The following LRP1 variants were observed in gnomAD, a reference collection of about 807,000 sequenced individuals.
The protein encoded by LRP1 is LDL receptor related protein 1, also known as prolow-density lipoprotein receptor-related protein 1.
A neutral mutation model predicts 541.5 loss-of-function variants in LRP1; 51 were observed. That is an observed-to-expected ratio of 0.09 (90% CI 0.08 to 0.12). LRP1 has a LOEUF of 0.12. LRP1 is among the 10% of genes least tolerant of loss of function. The pLI is 1.00. For missense variants in LRP1, 3,878 were observed against 6,376.2 expected (o/e 0.61, Z 13.34); for synonymous variants, 2,219 against 2,470.8 (o/e 0.90, Z 3.02).
chr12:57,154,092 G>A lies in LRP1; in HGVS notation c.842-116G>A. On this transcript the variant is annotated intron_variant, in intron 6 of 88. Coordinates refer to ENST00000243077, the MANE Select transcript of LRP1 (RefSeq NM_002332.3). The surrounding 1 kb of genome is among the most constrained non-coding windows in gnomAD (Gnocchi z 4.6). The stretch of plus-strand genomic sequence containing the variant: ...TCTGAGCTAAGCATGGGGGTGTTGG[G>A]TGGGAGGGCGTCCAGAGAAGGTGGG... 1 of 919,364 alleles carries A rather than the reference G, an allele frequency of 1.1e-6. No individual in the cohort carries two copies. The highest frequency in any genetic ancestry group is 1.7e-6 in the Non-Finnish European group (1 of 577,396). The allele number at this position is 919,364 out of a possible 1,614,324, so 57.0% of individuals were successfully genotyped here. A position where few individuals can be genotyped will look rare whatever the true frequency, so the allele number is the denominator to read the frequency against.
rs755509605 is a variant in LRP1 at position 57,141,484 on chromosome 12, G to A, written c.301G>A (p.Gly101Ser). 7 of 1,614,080 alleles carry A rather than the reference G, an allele frequency of 4.3e-6. No homozygotes were observed. In the African/African-American group the frequency reaches 5.3e-5, roughly 12 times the overall value. ...LCNGVQDCMD[G>S]SDEGPHCREL... Reference sequence around the variant, plus strand: ...CAATGGGGTCCAGGACTGCATGGACGGCTCAGATGAGGGGCCCCACTGCCG... The same window carrying A: ...CAATGGGGTCCAGGACTGCATGGACAGCTCAGATGAGGGGCCCCACTGCCG... The change falls in exon 3 of 89, where the codon GGC becomes AGC. Residue 101 changes from glycine (G) to serine (S), a missense_variant. Physicochemically the swap from Gly to Ser is moderately conservative, Grantham distance 56 (BLOSUM62 0). Coordinates refer to ENST00000243077, the MANE Select transcript of LRP1 (RefSeq NM_002332.3).
In LRP1 at chr12:57,212,282, G is replaced by C; in HGVS notation, c.13494+21G>C. The C allele has an allele frequency of 6.2e-7, 1 of 1,612,456 alleles. No homozygotes were observed. The highest frequency in any genetic ancestry group is 1.7e-4 in the Middle Eastern group (1 of 6,056). On this transcript the variant is annotated intron_variant, in intron 88 of 88. Coordinates refer to ENST00000243077, the MANE Select transcript of LRP1 (RefSeq NM_002332.3). This position sits in a 1 kb window ranked among gnomAD's most constrained non-coding sequence, Gnocchi z 5.0. ...ACAAGGTGGGCTGGGAGGCGGGCAG[G>C]GTCGAGTGCCAAGAGGCCGTGGGTG...
chr12:57,200,597 G>A (rs2036628667), intron 63 of LRP1, 62 bp downstream of exon 63: 5 of 1,556,632 alleles, frequency 3.2e-6, no homozygotes, highest in Non-Finnish European at 4.4e-6. Context: ...GACTCCTGAG[G>A]CTTTGAATGG....
At chr12:57,153,526 T>A (rs1041731475) in intron 6 of LRP1, among the ~76,000 whole-genome samples, 1 of 152,140 alleles carries the variant, frequency 6.6e-6, no homozygotes, top group Non-Finnish European at 1.5e-5. Context: ...TCCAGCCCTA[T>A]GACTTATTCC....
Position 57,162,958 on chromosome 12 carries a change from G to T in LRP1, c.2505G>T (p.Leu835Phe). 6.2e-7 allele frequency: 1 copy of T among 1,605,444 alleles called. No individual in the cohort carries two copies. Among genetic ancestry groups the T allele is most frequent in the Non-Finnish European group, 8.5e-7 (1 of 1,178,092 alleles). ...RQCACAEDQV[L>F]DADGVTCLAN... ...GCGCCTGTGCTGAGGACCAGGTGTTGGACGCAGACGGCGTCACTTGCTTGG... is the reference window on the plus strand; with the variant it reads ...GCGCCTGTGCTGAGGACCAGGTGTTTGACGCAGACGGCGTCACTTGCTTGG... Residue 835 changes from leucine to phenylalanine, a missense_variant, in exon 15 of 89, where the codon TTG (leucine) becomes TTT (phenylalanine). Leu to Phe is a conservative substitution (Grantham distance 22, BLOSUM62 0). This residue lies in a region of LRP1 where 496 missense variants were observed against 861.0 expected (regional missense o/e 0.58). Coordinates refer to ENST00000243077, the MANE Select transcript of LRP1 (RefSeq NM_002332.3). This position sits in a 1 kb window ranked among gnomAD's most constrained non-coding sequence, Gnocchi z 5.2.
chr12:57,152,452 G>C (rs2035543818), intron 6 of LRP1, among the ~76,000 whole-genome samples: 1 of 152,168 alleles, frequency 6.6e-6, no homozygotes, highest in Non-Finnish European at 1.5e-5. Flanking sequence ...GCTGCCAGGG[G>C]ATGCAGGCAG....
chr12:57,152,535 G>A (rs2035545643), intron 6 of LRP1, among the ~76,000 whole-genome samples: 1 of 152,130 alleles, frequency 6.6e-6, no homozygotes, highest in African/African-American at 2.4e-5. Flanking sequence ...TTTCTCTGTG[G>A]TTACAGCGTG....
In LRP1 at chr12:57,189,778, T is replaced by C. The variant is rs1222627115; in HGVS notation, c.7032-1027T>C. Among the ~76,000 whole-genome samples, 1 of 152,058 alleles carries C rather than the reference T, an allele frequency of 6.6e-6. No individual in the cohort carries two copies. The highest frequency in any genetic ancestry group is 1.5e-5 in the Non-Finnish European group (1 of 68,000). On this transcript the variant is annotated intron_variant, in intron 42 of 88. Coordinates refer to ENST00000243077, the MANE Select transcript of LRP1 (RefSeq NM_002332.3). The surrounding 1 kb of genome is among the most constrained non-coding windows in gnomAD (Gnocchi z 4.4). ...AGAACGGAGCTGGCTTTTGTGTGGC[T>C]TGGTGGTCTCAGACTCCACTGTGCC...
chr12:57,199,724 G>A (rs565194638), intron 61 of LRP1, among the ~76,000 whole-genome samples, 153 bp from the exon 62 acceptor site: 46 of 152,330 alleles, frequency 3.0e-4, no homozygotes, highest in African/African-American at 1.1e-3. Flanking sequence ...GCCTGATCCT[G>A]GGACCTTAGA....
chr12:57,200,031 G>C lies in LRP1; in HGVS notation c.10014+6G>C. ...CCAACTGCACGGCTAGCCAGGTGAG[G>C]CTGTCCCCCAGACCCCATCACCAGT... On this transcript the variant is annotated splice_donor_region_variant and intron_variant, in intron 62 of 88. Coordinates refer to ENST00000243077, the MANE Select transcript of LRP1 (RefSeq NM_002332.3). 1.3e-6 allele frequency: 2 copies of C among 1,590,492 alleles called. No individual in the cohort carries two copies. Among genetic ancestry groups the C allele is most frequent in the East Asian group, 4.5e-5 (2 of 44,142 alleles).
rs1303668724 is a variant in LRP1, at chr12:57,166,932, C to T, written c.2800C>T (p.Arg934Cys). Residue 934 changes from arginine to cysteine, a missense_variant and splice_region_variant, in exon 18 of 89, where the codon CGC becomes TGC. By Grantham distance (180) the Arg-to-Cys change is radical. This residue lies in a region of LRP1 where 29 missense variants were observed against 20.7 expected (regional missense o/e 1.40). Coordinates refer to ENST00000243077, the MANE Select transcript of LRP1 (RefSeq NM_002332.3). ...EDESNATCSA[R>C]TCPPNQFSCA... The stretch of plus-strand genomic sequence containing the variant: ...TCACACCCATCCCTGCCCCCCAGCC[C>T]GCACCTGCCCCCCCAACCAGTTCTC... 8 of 1,602,856 alleles carry T rather than the reference C, an allele frequency of 5.0e-6. No individual in the cohort carries two copies. Among genetic ancestry groups the T allele is most frequent in the African/African-American group, 1.3e-5 (1 of 74,704 alleles).
rs1486864167 is a variant in LRP1, at chr12:57,173,091, G to A, written c.3164-77G>A. 3.2e-6 allele frequency: 4 copies of A among 1,268,034 alleles called. No individual in the cohort carries two copies. The highest frequency in any genetic ancestry group is 4.4e-6 in the Non-Finnish European group (4 of 916,738). 78.5% of individuals were successfully genotyped at this position (1,268,034 alleles called of 1,614,324 possible). On this transcript the variant is annotated intron_variant, in intron 20 of 88. Transcript: ENST00000243077. The surrounding 1 kb of genome is among the most constrained non-coding windows in gnomAD (Gnocchi z 4.7). ...CATATCCCCAGGCTGGGCTTACCGG[G>A]GTGGCAGGGCACAGGGATGAGGAGG...
Position 57,178,615 on chromosome 12 carries a change from G to A in LRP1, c.4606+12G>A, listed in dbSNP as rs376502118. ...CCGCCAGCCCATGGGTAAGGGGCTC[G>A]GGGCCTCGAGCAGCCGGAAGGGAGC... On this transcript the variant is annotated intron_variant, in intron 27 of 88. Transcript: ENST00000243077. This position sits in a 1 kb window ranked among gnomAD's most constrained non-coding sequence, Gnocchi z 5.8. The A allele has an allele frequency of 1.4e-4, 226 of 1,613,864 alleles. No homozygotes were observed. The highest frequency in any genetic ancestry group is 3.7e-4 in the South Asian group (34 of 91,084).
rs544375202 is a variant in LRP1 at position 57,161,982 on chromosome 12, T to C, written c.2203-335T>C. ...CCGTCTGCTCATTAGTGTGTGTGTGTGCGCGCACGCATATGAGTGTGTGTG... is the reference window on the plus strand; with the variant it reads ...CCGTCTGCTCATTAGTGTGTGTGTGCGCGCGCACGCATATGAGTGTGTGTG... On this transcript the variant is annotated intron_variant, in intron 13 of 88. Transcript: ENST00000243077. Among the ~76,000 whole-genome samples the C allele has an allele frequency of 6.6e-5, 10 of 150,800 alleles. 1 individual carries two copies. The highest frequency in any genetic ancestry group is 2.1e-4 in the South Asian group (1 of 4,808).
chr12:57,197,992 A>G lies in LRP1; in HGVS notation c.9283-164A>G, dbSNP rs1221577789. 6.6e-6 allele frequency among the ~76,000 whole-genome samples: 1 copy of G among 152,122 alleles called. No individual in the cohort carries two copies. The highest frequency in any genetic ancestry group is 1.5e-5 in the Non-Finnish European group (1 of 68,016). On this transcript the variant is annotated intron_variant, in intron 58 of 88. Coordinates refer to ENST00000243077, the MANE Select transcript of LRP1 (RefSeq NM_002332.3). This position sits in a 1 kb window ranked among gnomAD's most constrained non-coding sequence, Gnocchi z 4.5. Reference sequence around the variant, plus strand: ...CTAGAGCCTCTGCTGACACCTACACAGTGTCAGGCCCAGGACTGGGCATTT... The same window carrying G: ...CTAGAGCCTCTGCTGACACCTACACGGTGTCAGGCCCAGGACTGGGCATTT...
At chr12:57,194,226 C>A in intron 48 of LRP1, 128 bp from the exon 49 acceptor site, 1 of 1,143,254 alleles carries the variant, frequency 8.7e-7, no homozygotes, top group Non-Finnish European at 1.2e-6. Flanking sequence ...ATGGTGCAGA[C>A]AGTGCCCCAC....
chr12:57,212,646 G>A lies in LRP1; in HGVS notation c.*91G>A. The A allele has an allele frequency of 3.1e-6, 4 of 1,307,384 alleles. No homozygotes were observed. The highest frequency in any genetic ancestry group is 4.2e-6 in the Non-Finnish European group (4 of 956,610). The allele number at this position is 1,307,384 out of a possible 1,614,324, so 81.0% of individuals were successfully genotyped here. Reference sequence around the variant, plus strand: ...GCCCCTCCCCAGCCAGCCCTTCCCTGGCCCCGCCGGATGTATAAATGTAAA... The same window carrying A: ...GCCCCTCCCCAGCCAGCCCTTCCCTAGCCCCGCCGGATGTATAAATGTAAA... On this transcript the variant is annotated 3_prime_UTR_variant, in exon 89 of 89. Coordinates refer to ENST00000243077, the MANE Select transcript of LRP1 (RefSeq NM_002332.3). This position sits in a 1 kb window ranked among gnomAD's most constrained non-coding sequence, Gnocchi z 5.0.
Position 57,179,995 on chromosome 12 carries a change from G to C in LRP1, c.5141+39G>C, listed in dbSNP as rs780461014. On this transcript the variant is annotated intron_variant, in intron 30 of 88. Coordinates refer to ENST00000243077, the MANE Select transcript of LRP1 (RefSeq NM_002332.3). This position sits in a 1 kb window ranked among gnomAD's most constrained non-coding sequence, Gnocchi z 6.8. ...CCAGGGCCGGGGAGCATGGGGTGTG[G>C]GGCTGGGAAGAAGAGGACCCTGACC... The C allele has an allele frequency of 5.0e-6, 8 of 1,613,862 alleles. No individual in the cohort carries two copies. The Admixed American group carries it at 1.3e-4, about 27-fold the overall frequency.
At chr12:57,149,637 G>C (rs764371078) in intron 6 of LRP1, 1 of 712,878 alleles carries the variant, frequency 1.4e-6, no homozygotes, top group Non-Finnish European at 2.6e-6. Context: ...CCTAAGCCAG[G>C]CAGGGGAAGG....
Sources: gnomAD v4.1 joint callset for allele counts (sites outside exome capture counted in the v4.1 genomes callset) on GRCh38, gnomAD v4.1.1 for gene constraint, gnomAD v4.1.1 regional missense constraint, Gnocchi (gnomAD v3.1) non-coding constraint, MANE v1.5 for transcripts, NCBI Gene and HGNC (gene_info 2026-07-23, HGNC 2026-07-21) for gene names.